SDK1: variants seen among roughly 807,000 people sequenced by gnomAD.
SDK1 encodes the protein sidekick cell adhesion molecule 1, also known as protein sidekick-1.
SDK1 carries 157 observed loss-of-function variants against 245.5 expected under a neutral mutation model. That is an observed-to-expected ratio of 0.64 (90% confidence interval 0.56 to 0.73). SDK1 has a LOEUF of 0.73. Among genes scored for constraint, SDK1 ranks in the 30% least tolerant of loss-of-function variants. SDK1 has a pLI of 0.00. For missense variants in SDK1, 3,583 were observed against 3,002.3 expected (o/e 1.19, Z -4.52); for synonymous variants, 1,647 against 1,278.5 (o/e 1.29, Z -6.15).
At chr7:3,420,760 AATTTT>A (rs1275534993) in intron 1 of SDK1, among the ~76,000 whole-genome samples, 1 of 152,196 alleles carries the variant, frequency 6.6e-6, no homozygotes, top group African/African-American at 2.4e-5. Context: ...TTTAAAATTT[AATTTT>A]AAGTTCCAGG....
At chr7:3,791,590 C>T (rs890527119) in intron 4 of SDK1, among the ~76,000 whole-genome samples, 5 of 152,086 alleles carry the variant, frequency 3.3e-5, no homozygotes, top group African/African-American at 4.8e-5. Flanking sequence ...AGGCAGAGAC[C>T]GAGTGGGATG....
chr7:3,350,826 T>C (rs1049412460), intron 1 of SDK1, among the ~76,000 whole-genome samples: 13 of 152,328 alleles, frequency 8.5e-5, no homozygotes, highest in Non-Finnish European at 1.8e-4. Flanking sequence ...TGAAAAAAAT[T>C]AGTAGGACTG....
chr7:3,530,118 C>G (rs964417376), intron 1 of SDK1, among the ~76,000 whole-genome samples: 4 of 152,054 alleles, frequency 2.6e-5, no homozygotes, highest in Admixed American at 1.3e-4. Flanking sequence ...AAACCTAGCA[C>G]CAATTTATAT....
intron 5 of SDK1, among the ~76,000 whole-genome samples, chr7:3,905,911 A>G (rs184776491): frequency 9.2e-5 from 14 of 152,276 alleles, no homozygotes; most frequent in Admixed American, 2.6e-4. Context: ...GGTATGAGCC[A>G]CTGTACCTGG....
chr7:3,301,567 C>T lies in SDK1; in HGVS notation c.-20C>T, dbSNP rs950705194. On this transcript the variant is annotated 5_prime_UTR_variant, in exon 1 of 45. Coordinates refer to ENST00000404826, the MANE Select transcript of SDK1 (RefSeq NM_152744.4). ...CCGCCCGTCCGTCCGGCGCGGCGCT[C>T]GGGGTGGCGGCTGCTCGGCATGGCC... 6.0e-5 allele frequency: 55 copies of T among 914,192 alleles called. No homozygotes were observed. The East Asian group carries it at 4.3e-3, about 71-fold the overall frequency. The allele number at this position is 914,192 out of a possible 1,614,324, so 56.6% of individuals were successfully genotyped here.
chr7:4,031,630 T>C (rs1037329014), intron 17 of SDK1, among the ~76,000 whole-genome samples: 10 of 152,132 alleles, frequency 6.6e-5, no homozygotes, highest in African/African-American at 2.4e-4. Flanking sequence ...GAGAAATATA[T>C]GTAGATATAG....
chr7:4,146,677 G>A lies in SDK1; in HGVS notation c.4423+761G>A, dbSNP rs147699819. Reference sequence around the variant, plus strand: ...CTCTGATGTTAAACCCACGTCCTCCGTAGAGCAGGTGCTCAGTAAGTAAGT... The same window carrying A: ...CTCTGATGTTAAACCCACGTCCTCCATAGAGCAGGTGCTCAGTAAGTAAGT... On this transcript the variant is annotated intron_variant, in intron 29 of 44. Transcript: ENST00000404826. Among the ~76,000 whole-genome samples the A allele has an allele frequency of 7.7e-3, 1,175 of 152,320 alleles. 27 individuals carry two copies. Among genetic ancestry groups the A allele is most frequent in the South Asian group, 0.074 (356 of 4,820 alleles).
At chr7:3,792,721 C>T (rs78225364) in intron 4 of SDK1, among the ~76,000 whole-genome samples, 2 of 143,964 alleles carry the variant, frequency 1.4e-5, no homozygotes, top group Admixed American at 7.0e-5. Context: ...TCCATCCATC[C>T]GTCTGTCCAT....
In SDK1 at chr7:3,728,917, T is replaced by A. The variant is rs113331276; in HGVS notation, c.713+86812T>A. ...GCACTGGACCAACAGTGGCTATTTC[T>A]AAGAGACCTATCTCTCTAAAAAAAA... On this transcript the variant is annotated intron_variant, in intron 4 of 44. Transcript: ENST00000404826. Among the ~76,000 whole-genome samples, 8 of 152,240 alleles carry A rather than the reference T, an allele frequency of 5.3e-5. 1 individual carries two copies. Among genetic ancestry groups the A allele is most frequent in the South Asian group, 4.1e-4 (2 of 4,826 alleles).
chr7:4,229,387 A>C (rs1418404289), intron 40 of SDK1, among the ~76,000 whole-genome samples: 1 of 152,238 alleles, frequency 6.6e-6, no homozygotes, highest in African/African-American at 2.4e-5. Flanking sequence ...GAAGGAAATT[A>C]TCTCGGTATG....
chr7:3,554,893 G>T (rs554794784), intron 1 of SDK1, among the ~76,000 whole-genome samples: 17 of 152,080 alleles, frequency 1.1e-4, no homozygotes, highest in Non-Finnish European at 2.1e-4. Flanking sequence ...AAAAATCCCT[G>T]TAAGGAAAAC....
Position 4,210,006 on chromosome 7 carries a change from TTG to T in SDK1, c.5402-15_5402-14del. On this transcript the variant is annotated splice_polypyrimidine_tract_variant and intron_variant, in intron 37 of 44. Transcript: ENST00000404826. ...TGTAGGAGCCCCTGTAAAAGTCACT[TTG>T]TGTTCTATTCTCCCAGCCCCTGGGG... The T allele has an allele frequency of 6.5e-7, 1 of 1,548,588 alleles. No individual in the cohort carries two copies. The highest frequency in any genetic ancestry group is 8.7e-7 in the Non-Finnish European group (1 of 1,149,932).
At chr7:3,964,647 GTTC>G (rs1328252519) in intron 9 of SDK1, among the ~76,000 whole-genome samples, 6 of 152,098 alleles carry the variant, frequency 3.9e-5, no homozygotes, top group Non-Finnish European at 8.8e-5. Flanking sequence ...GTATAATACT[GTTC>G]TTCTAAAATG....
chr7:3,839,880 T>A (rs1780115734), intron 5 of SDK1, among the ~76,000 whole-genome samples: 2 of 152,198 alleles, frequency 1.3e-5, no homozygotes, highest in Non-Finnish European at 2.9e-5. Context: ...CTTTTTGCTA[T>A]AAAGAAGTGT....
At chr7:3,761,253 C>T in intron 4 of SDK1, among the ~76,000 whole-genome samples, 1 of 142,422 alleles carries the variant, frequency 7.0e-6, no homozygotes, top group East Asian at 2.0e-4. Flanking sequence ...TTATCAAGCC[C>T]CCCCTCCTTT....
chr7:3,409,388 T>C (rs539222655), intron 1 of SDK1, among the ~76,000 whole-genome samples: 50 of 152,096 alleles, frequency 3.3e-4, no homozygotes, highest in Non-Finnish European at 5.7e-4. Context: ...ACATACTTAC[T>C]GCTGTGTTTG....
At chr7:3,723,492 A>G (rs1778885449) in intron 4 of SDK1, among the ~76,000 whole-genome samples, 1 of 152,226 alleles carries the variant, frequency 6.6e-6, no homozygotes, top group Non-Finnish European at 1.5e-5. Context: ...CTTTATTCAC[A>G]CACTAGTAGC....
At chr7:3,872,619 AC>A (rs1427974290) in intron 5 of SDK1, among the ~76,000 whole-genome samples, 1 of 148,980 alleles carries the variant, frequency 6.7e-6, no homozygotes, top group Non-Finnish European at 1.5e-5. Flanking sequence ...CAGCAGTGAT[AC>A]CATATTCCAC....
In SDK1 at chr7:3,791,390, CAT is replaced by C. The variant is rs202220176; in HGVS notation, c.714-30059_714-30058del. On this transcript the variant is annotated intron_variant, in intron 4 of 44. Coordinates refer to ENST00000404826, the MANE Select transcript of SDK1 (RefSeq NM_152744.4). ...TTTTACAAGAAGCTGAGGCAGAAGC[CAT>C]GTCATATGGACCAGCTCATCATGGT... is the stretch of plus-strand genomic sequence containing the variant. 5.6e-3 allele frequency among the ~76,000 whole-genome samples: 849 copies of C among 152,304 alleles called. 9 individuals carry two copies. The highest frequency in any genetic ancestry group is 0.02 in the African/African-American group (816 of 41,566).
Sources: gnomAD v4.1 joint callset for allele counts (sites outside exome capture counted in the v4.1 genomes callset) on GRCh38, gnomAD v4.1.1 for gene constraint, MANE v1.5 for transcripts, NCBI Gene and HGNC (gene_info 2026-07-23, HGNC 2026-07-21) for gene names.